PTPN14: variants seen among roughly 807,000 people sequenced by gnomAD.
PTPN14 encodes the protein tyrosine-protein phosphatase non-receptor type 14.
PTPN14 carries 53 observed loss-of-function variants against 126.8 expected under a neutral mutation model. That is an observed-to-expected ratio of 0.42 (90% CI 0.34 to 0.53). The LOEUF (loss-of-function observed/expected upper bound fraction) is 0.53. Among genes scored for constraint, PTPN14 ranks in the 20% least tolerant of loss-of-function variants. The pLI, the probability that PTPN14 is intolerant of heterozygous loss-of-function variation, is 0.08. For synonymous variants in PTPN14, 630 were observed against 599.3 expected, an observed-to-expected ratio of 1.05 and a Z score of -0.75; for missense variants, 1,257 against 1,552.9, an observed-to-expected ratio of 0.81 and a Z score of 3.20.
At chr1:214,358,158 C>A in intron 18 of PTPN14, 108 bp from the exon 19 acceptor site, 1 of 1,329,136 alleles carries the variant, frequency 7.5e-7, no homozygotes. Flanking sequence ...TGTCCAGGTA[C>A]AAGAGAAGGC....
intron 2 of PTPN14, 38 bp downstream of exon 2, chr1:214,464,592 T>C (rs754647843): frequency 3.1e-6 from 5 of 1,602,614 alleles, no homozygotes; most frequent in Non-Finnish European, 4.3e-6. Flanking sequence ...CCAACACGCA[T>C]GCACGCGCAC....
chr1:214,358,317 A>T (rs1657875045), intron 18 of PTPN14, among the ~76,000 whole-genome samples: 1 of 152,188 alleles, frequency 6.6e-6, no homozygotes, highest in African/African-American at 2.4e-5. Context: ...CCCAGGCTGG[A>T]GTACAGTGGC....
At chr1:214,390,376 C>T (rs1179945670) in intron 11 of PTPN14, among the ~76,000 whole-genome samples, 1 of 152,122 alleles carries the variant, frequency 6.6e-6, no homozygotes, top group African/African-American at 2.4e-5. Flanking sequence ...CAGCTTCAAA[C>T]AAACAAACAA....
chr1:214,544,324 G>T (rs1050821967), intron 1 of PTPN14, among the ~76,000 whole-genome samples: 1 of 152,158 alleles, frequency 6.6e-6, no homozygotes, highest in Non-Finnish European at 1.5e-5. Context: ...CCAGCTACTT[G>T]AGAGGCTGAG....
chr1:214,486,059 C>G (rs571141443), intron 1 of PTPN14, among the ~76,000 whole-genome samples: 1 of 152,222 alleles, frequency 6.6e-6, no homozygotes, highest in African/African-American at 2.4e-5. Context: ...AGTCCTTGTT[C>G]ACAGATATCC....
At chr1:214,387,647 C>T (rs1658652968) in intron 11 of PTPN14, among the ~76,000 whole-genome samples, 1 of 146,238 alleles carries the variant, frequency 6.8e-6, no homozygotes. Flanking sequence ...TACCGCACTC[C>T]AGCCTGGCGA....
intron 1 of PTPN14, among the ~76,000 whole-genome samples, chr1:214,538,508 C>T (rs997032396): frequency 6.6e-6 from 1 of 152,048 alleles, no homozygotes; most frequent in African/African-American, 2.4e-5. Flanking sequence ...TGGGGAAAAC[C>T]GATGAAGAGA....
intron 3 of PTPN14, among the ~76,000 whole-genome samples, chr1:214,419,463 G>A (rs530046618): frequency 1.1e-4 from 16 of 152,232 alleles, no homozygotes; most frequent in East Asian, 3.9e-4. Context: ...ACCAGGACCC[G>A]GAAAGACAAA....
chr1:214,409,566 C>G (rs148710280), intron 5 of PTPN14, among the ~76,000 whole-genome samples: 1 of 152,238 alleles, frequency 6.6e-6, no homozygotes, highest in East Asian at 1.9e-4. Flanking sequence ...ATTTCATTTT[C>G]TTTAGATATA....
rs1359973791 is a variant in PTPN14, at chr1:214,369,510, T to C, written c.3218A>G (p.Gln1073Arg). 6.2e-7 allele frequency: 1 copy of C among 1,614,152 alleles called. No individual in the cohort carries two copies. The highest frequency in any genetic ancestry group is 8.5e-7 in the Non-Finnish European group (1 of 1,180,028). ...GCCGTGATCTGGCCAGTCAGTATAT[T>C]GTAAATGCCACACCGTCCTTTCTTG... is the stretch of plus-strand genomic sequence containing the variant. The part of the protein sequence containing the change: ...SGQERTVWHL[Q>R]YTDWPDHGCP... The change falls in exon 17 of 19, where the codon CAA (glutamine) becomes CGA (arginine). Residue 1073 changes from glutamine to arginine, a missense_variant. Coordinates refer to ENST00000366956, the MANE Select transcript of PTPN14 (RefSeq NM_005401.5).
intron 1 of PTPN14, among the ~76,000 whole-genome samples, chr1:214,504,328 G>A (rs563136802): frequency 6.6e-6 from 1 of 152,094 alleles, no homozygotes; most frequent in East Asian, 1.9e-4. Flanking sequence ...CAAGCACCGG[G>A]CAATGGGCAG....
chr1:214,453,163 A>G (rs1660306974), intron 2 of PTPN14, among the ~76,000 whole-genome samples: 1 of 152,244 alleles, frequency 6.6e-6, no homozygotes, highest in East Asian at 1.9e-4. Context: ...ATGATGTTCC[A>G]AAGGACAAGT....
intron 16 of PTPN14, among the ~76,000 whole-genome samples, chr1:214,371,609 GT>G (rs1286618019): frequency 1.3e-5 from 2 of 152,148 alleles, no homozygotes; most frequent in Non-Finnish European, 2.9e-5. Flanking sequence ...TGCCTGTCTC[GT>G]TTACCGTGTA....
chr1:214,441,475 C>T (rs1227644620), intron 3 of PTPN14, among the ~76,000 whole-genome samples: 1 of 152,174 alleles, frequency 6.6e-6, no homozygotes, highest in Non-Finnish European at 1.5e-5. Flanking sequence ...CCTTCCTCTC[C>T]ACCCACTCCA....
At position 214,493,237 on chromosome 1, in the gene PTPN14, T is replaced by C. The variant is rs145788673; in HGVS notation, c.-154-28280A>G. Among the ~76,000 whole-genome samples the C allele has an allele frequency of 7.8e-3, 1,188 of 152,316 alleles. 9 individuals carry two copies. Among genetic ancestry groups the C allele is most frequent in the Non-Finnish European group, 0.011 (735 of 68,026 alleles). ...CAAGTGAAGCCAATGGTCAGAGTGA[T>C]GGCCTGGGCGATGTGTTGGAAACAG... On this transcript the variant is annotated intron_variant, in intron 1 of 18. Transcript: ENST00000366956.
Position 214,384,171 on chromosome 1 carries a change from A to G in PTPN14, c.1684T>C (p.Tyr562His), listed in dbSNP as rs1185967860. The G allele has an allele frequency of 2.5e-6, 4 of 1,594,742 alleles. No individual in the cohort carries two copies. The African/African-American group carries it at 5.4e-5, about 21-fold the overall frequency. ...NYSTAHMLKN[Y>H]LFRPPPPYPR... ...TAGGGGGGCGGTGGCCTGAAGAGAT[A>G]GTTCTTAAGCATGTGGGCCGTGCTG... Residue 562 changes from tyrosine to histidine, a missense_variant, in exon 13 of 19, where the codon TAT becomes CAT. Physicochemically the swap from Tyr to His is moderately conservative, Grantham distance 83. Transcript: ENST00000366956. The surrounding 1 kb of genome is among the most constrained non-coding windows in gnomAD (Gnocchi z 5.3).
intron 1 of PTPN14, among the ~76,000 whole-genome samples, chr1:214,549,245 A>G (rs1656044559): frequency 6.6e-6 from 1 of 152,206 alleles, no homozygotes; most frequent in Middle Eastern, 3.2e-3. Flanking sequence ...ACACCCTTGA[A>G]AGGCAAACCA....
At chr1:214,404,807 T>C (rs1290290945) in intron 5 of PTPN14, among the ~76,000 whole-genome samples, 1 of 152,186 alleles carries the variant, frequency 6.6e-6, no homozygotes, top group Non-Finnish European at 1.5e-5. Flanking sequence ...AAATGCCATT[T>C]AACAAATTCA....
intron 17 of PTPN14, 22 bp downstream of exon 17, chr1:214,369,435 G>A: frequency 3.1e-6 from 5 of 1,598,866 alleles, no homozygotes; most frequent in Non-Finnish European, 1.7e-6. Context: ...TCAGGTAGCA[G>A]ACTGGGAAGA....
Sources: gnomAD v4.1 joint callset for allele counts (sites outside exome capture counted in the v4.1 genomes callset) on GRCh38, gnomAD v4.1.1 for gene constraint, Gnocchi (gnomAD v3.1) non-coding constraint, MANE v1.5 for transcripts, NCBI Gene and HGNC (gene_info 2026-07-23, HGNC 2026-07-21) for gene names.